The following SNX4 variants were observed in gnomAD, a reference collection of about 807,000 sequenced individuals.
SNX4 encodes the protein sorting nexin-4.
Under a neutral mutation model 70.8 loss-of-function variants are expected in SNX4, and 49 were observed. That is an observed-to-expected ratio of 0.69 (90% confidence interval 0.55 to 0.88). The LOEUF (loss-of-function observed/expected upper bound fraction) is 0.88, where lower values mean the gene tolerates loss of function less well. Among genes scored for constraint, SNX4 ranks in the 40% least tolerant of loss-of-function variants. SNX4 has a pLI of 0.00. For synonymous variants in SNX4, 206 were observed against 183.8 expected (o/e 1.12, Z -0.98); for missense variants, 528 against 544.8 (o/e 0.97, Z 0.31).
chr3:125,479,039 T>G (rs891933799), intron 7 of SNX4, among the ~76,000 whole-genome samples: 1 of 152,196 alleles, frequency 6.6e-6, no homozygotes, highest in African/African-American at 2.4e-5. Flanking sequence ...ATATAAGACC[T>G]TCAGAAGAAT....
intron 8 of SNX4, among the ~76,000 whole-genome samples, chr3:125,476,474 G>A (rs1934291390): frequency 6.6e-6 from 1 of 151,930 alleles, no homozygotes; most frequent in African/African-American, 2.4e-5. Context: ...GGGAGGCTGA[G>A]GCAGGAGAAT....
chr3:125,454,095 T>C (rs1933649166), intron 11 of SNX4, 140 bp from the exon 12 acceptor site: 4 of 660,590 alleles, frequency 6.1e-6, no homozygotes, highest in Non-Finnish European at 1.0e-5. Flanking sequence ...GACATTATGC[T>C]AAGTGAAATA....
At chr3:125,503,914 G>C (rs1312481499) in intron 2 of SNX4, among the ~76,000 whole-genome samples, 2 of 152,094 alleles carry the variant, frequency 1.3e-5, no homozygotes, top group Non-Finnish European at 2.9e-5. Context: ...TAAAGACACA[G>C]GGCTGGATGC....
At chr3:125,488,293 C>T (rs536952844) in intron 6 of SNX4, among the ~76,000 whole-genome samples, 30 of 151,042 alleles carry the variant, frequency 2.0e-4, no homozygotes, top group African/African-American at 5.1e-4. Flanking sequence ...CTGGCTAACA[C>T]GGCAAAACCC....
intron 7 of SNX4, among the ~76,000 whole-genome samples, chr3:125,478,171 T>C (rs1437747220): frequency 1.3e-5 from 2 of 151,816 alleles, no homozygotes; most frequent in Non-Finnish European, 2.9e-5. Flanking sequence ...TCTCTGCCTC[T>C]TGGGTTCAAG....
intron 9 of SNX4, among the ~76,000 whole-genome samples, chr3:125,468,609 G>A (rs560376614): frequency 6.6e-6 from 1 of 152,244 alleles, no homozygotes; most frequent in Non-Finnish European, 1.5e-5. Context: ...ACTTTGGGAG[G>A]CCAAGGCAGG....
chr3:125,464,319 T>G (rs1291132063), intron 9 of SNX4, among the ~76,000 whole-genome samples: 29 of 152,160 alleles, frequency 1.9e-4, no homozygotes, highest in Non-Finnish European at 2.9e-5. Context: ...ATTTGCCATT[T>G]AAAGTAATTT....
chr3:125,507,762 T>C (rs982583099), intron 1 of SNX4, among the ~76,000 whole-genome samples: 1 of 152,154 alleles, frequency 6.6e-6, no homozygotes, highest in African/African-American at 2.4e-5. Context: ...TCCAGAATCC[T>C]ATATCTAGCA....
At chr3:125,517,969 A>T (rs1935317470) in intron 1 of SNX4, among the ~76,000 whole-genome samples, 1 of 151,278 alleles carries the variant, frequency 6.6e-6, no homozygotes, top group African/African-American at 2.4e-5. Flanking sequence ...AGGTCAAGAG[A>T]CTGCTCAAAA....
rs1219962698 is a variant in SNX4, at chr3:125,517,996, T to G, written c.141+2036A>C. On this transcript the variant is annotated intron_variant, in intron 1 of 13. Transcript: ENST00000251775. ...TGCTCAAAAAAAAAGAATAAAAATG[T>G]CAGGAAGTAGTATGTAACTACAACT... Among the ~76,000 whole-genome samples the G allele has an allele frequency of 3.3e-5, 5 of 151,892 alleles. No homozygotes were observed. The East Asian group carries it at 9.7e-4, about 30-fold the overall frequency.
At chr3:125,501,997 C>T (rs1934939717) in intron 2 of SNX4, among the ~76,000 whole-genome samples, 1 of 152,140 alleles carries the variant, frequency 6.6e-6, no homozygotes, top group South Asian at 2.1e-4. Context: ...TTAAGTTATT[C>T]CAGATTATCC....
intron 7 of SNX4, among the ~76,000 whole-genome samples, chr3:125,478,671 C>T (rs1231739865): frequency 6.6e-6 from 1 of 151,774 alleles, no homozygotes; most frequent in Non-Finnish European, 1.5e-5. Flanking sequence ...AACCTCCTTC[C>T]TAAAAGCTGA....
intron 6 of SNX4, among the ~76,000 whole-genome samples, chr3:125,483,229 A>T (rs1934455714): frequency 6.6e-6 from 1 of 151,778 alleles, no homozygotes; most frequent in East Asian, 1.9e-4. Context: ...AGCCAGTTAC[A>T]ACTGAGCTGG....
At chr3:125,470,418 A>G (rs569766194) in intron 8 of SNX4, among the ~76,000 whole-genome samples, 12 of 151,980 alleles carry the variant, frequency 7.9e-5, no homozygotes, top group African/African-American at 2.7e-4. Context: ...CAATTCCAAC[A>G]TATCATAAAA....
intron 8 of SNX4, among the ~76,000 whole-genome samples, chr3:125,475,196 A>G (rs1222109515): frequency 6.6e-6 from 1 of 152,226 alleles, no homozygotes; most frequent in Non-Finnish European, 1.5e-5. Flanking sequence ...TTGATCAACC[A>G]AAGACATATG....
intron 6 of SNX4, among the ~76,000 whole-genome samples, chr3:125,483,681 G>C (rs576646518): frequency 1.3e-5 from 2 of 152,286 alleles, no homozygotes; most frequent in Non-Finnish European, 1.5e-5. Context: ...CACATCACCA[G>C]AAAGTCAGAG....
intron 1 of SNX4, among the ~76,000 whole-genome samples, chr3:125,510,856 G>T (rs1935156278): frequency 6.6e-6 from 1 of 152,164 alleles, no homozygotes; most frequent in African/African-American, 2.4e-5. Flanking sequence ...GTACGTGAAT[G>T]TACTTATGAC....
At position 125,495,275 on chromosome 3, in the gene SNX4, T is replaced by TATATATATACACACAC; in HGVS notation, c.597+2065_597+2066insGTGTGTGTATATATAT. Among the ~76,000 whole-genome samples, 235 of 83,056 alleles carry TATATATATACACACAC rather than the reference T, an allele frequency of 2.8e-3. 7 individuals are homozygous for TATATATATACACACAC. The highest frequency in any genetic ancestry group is 4.4e-3 in the African/African-American group (122 of 27,588). 54.5% of individuals were successfully genotyped at this position (83,056 alleles called of 152,430 possible). On this transcript the variant is annotated intron_variant, in intron 5 of 13. Coordinates refer to ENST00000251775, the MANE Select transcript of SNX4 (RefSeq NM_003794.4). ...TTATATATATATATATATATATATA[T>TATATATATACACACAC]ATACACATACACACACACACACGTA...
chr3:125,506,590 C>T (rs1935048081), intron 1 of SNX4, among the ~76,000 whole-genome samples: 1 of 150,460 alleles, frequency 6.6e-6, no homozygotes, highest in African/African-American at 2.4e-5. Context: ...ACTGTAACCT[C>T]CACCTCTTGG....
Sources: allele counts gnomAD v4.1 joint callset (sites outside exome capture counted in the v4.1 genomes callset), GRCh38; gene constraint gnomAD v4.1.1; transcripts MANE v1.5; gene names NCBI Gene and HGNC (gene_info 2026-07-23, HGNC 2026-07-21).